Variants in PAWR observed in about 807,000 individuals in gnomAD.
PAWR encodes the protein pro-apoptotic WT1 regulator.
A neutral mutation model predicts 32.0 loss-of-function variants in PAWR; 23 were observed. The observed-to-expected ratio is 0.72, with a 90% CI of 0.52 to 1.02. The LOEUF (loss-of-function observed/expected upper bound fraction) is 1.02. Among genes scored for constraint, PAWR ranks in the 50% least tolerant of loss-of-function variants. PAWR has a pLI of 0.00. For synonymous variants in PAWR, 226 were observed against 187.1 expected (o/e 1.21, Z -1.70); for missense variants, 457 against 437.7 (o/e 1.04, Z -0.39).
rs2062663567 is a variant in PAWR, at chr12:79,613,600, T to C, written c.658A>G (p.Arg220Gly). The C allele has an allele frequency of 6.5e-7, 1 of 1,545,370 alleles. No individual in the cohort carries two copies. The highest frequency in any genetic ancestry group is 8.9e-7 in the Non-Finnish European group (1 of 1,123,462). ...CTTTTATATCTGCCTGAAACTGTTC[T>C]AGGTGGCTCCTGCAAAGTAAAAATA... The part of the protein sequence containing the change: ...GSSYLLQEPP[R>G]TVSGRYKSTT... Residue 220 changes from arginine (R) to glycine (G), a missense_variant, in exon 4 of 7, where the codon AGA becomes GGA. Physicochemically the swap from Arg to Gly is moderately radical, Grantham distance 125. Coordinates refer to ENST00000328827, the MANE Select transcript of PAWR (RefSeq NM_002583.4).
chr12:79,639,828 T>A (rs1181696777), intron 2 of PAWR, among the ~76,000 whole-genome samples: 1 of 135,090 alleles, frequency 7.4e-6, no homozygotes, highest in Non-Finnish European at 1.5e-5. Flanking sequence ...TTCCTTTTCC[T>A]TTTCCATTCC....
intron 2 of PAWR, chr12:79,667,890 C>A (rs1318491202): frequency 6.6e-6 from 1 of 151,174 alleles, no homozygotes; most frequent in Admixed American, 6.6e-5. Flanking sequence ...TCCTTTTGTT[C>A]ATTTGATTTT....
intron 2 of PAWR, among the ~76,000 whole-genome samples, chr12:79,676,427 C>A (rs867932983): frequency 6.6e-6 from 1 of 151,810 alleles, no homozygotes; most frequent in Non-Finnish European, 1.5e-5. Flanking sequence ...AAGACACTAA[C>A]AGTCAATTAA....
At chr12:79,662,184 C>T (rs1315744443) in intron 2 of PAWR, among the ~76,000 whole-genome samples, 2 of 97,408 alleles carry the variant, frequency 2.1e-5, no homozygotes, top group Non-Finnish European at 3.6e-5. Context: ...GCCTGGGCAA[C>T]ATACTGAGAC....
At chr12:79,599,362 T>C (rs1386887809) in intron 4 of PAWR, among the ~76,000 whole-genome samples, 1 of 152,212 alleles carries the variant, frequency 6.6e-6, no homozygotes, top group Non-Finnish European at 1.5e-5. Flanking sequence ...TGAATTCAGC[T>C]GATATAGCAA....
At position 79,690,143 on chromosome 12, in the gene PAWR, C is replaced by A; in HGVS notation, c.102G>T (p.Gln34His). Reference sequence around the variant, plus strand: ...CCGGGGGGGCCGGGCCCGGGGGGTTCTGCTTGGCGCGCATCTTCTCGCGTT... The same window carrying A: ...CCGGGGGGGCCGGGCCCGGGGGGTTATGCTTGGCGCGCATCTTCTCGCGTT... ...KAKREKMRAK[Q>H]NPPGPAPPGG... Residue 34 changes from glutamine to histidine, a missense_variant, in exon 2 of 7, where the codon CAG (glutamine) becomes CAT (histidine). Physicochemically the swap from Gln to His is conservative, Grantham distance 24. Coordinates refer to ENST00000328827, the MANE Select transcript of PAWR (RefSeq NM_002583.4). 2 of 1,522,574 alleles carry A rather than the reference C, an allele frequency of 1.3e-6. No individual in the cohort carries two copies. The highest frequency in any genetic ancestry group is 2.4e-5 in the South Asian group (2 of 83,570). 94.3% of individuals were successfully genotyped at this position (1,522,574 alleles called of 1,614,324 possible).
At chr12:79,689,041 C>A (rs1878829287) in intron 2 of PAWR, among the ~76,000 whole-genome samples, 1 of 152,088 alleles carries the variant, frequency 6.6e-6, no homozygotes, top group South Asian at 2.1e-4. Context: ...AAAACCCTAC[C>A]ACATGTTTTT....
intron 4 of PAWR, among the ~76,000 whole-genome samples, chr12:79,600,037 A>G (rs1294512616): frequency 6.6e-6 from 1 of 152,208 alleles, no homozygotes; most frequent in Non-Finnish European, 1.5e-5. Flanking sequence ...ATCATTTTAT[A>G]TTGTTTAAAT....
At chr12:79,656,006 A>C (rs1313320365) in intron 2 of PAWR, among the ~76,000 whole-genome samples, 1 of 152,226 alleles carries the variant, frequency 6.6e-6, no homozygotes. Context: ...CAAATGTGGG[A>C]TAGAACTCCT....
Position 79,690,231 on chromosome 12 carries a change from C to T in PAWR, c.14G>A (p.Gly5Asp). 1 of 1,515,014 alleles carries T rather than the reference C, an allele frequency of 6.6e-7. No homozygotes were observed. Among genetic ancestry groups the T allele is most frequent in the Non-Finnish European group, 8.8e-7 (1 of 1,136,294 alleles). 93.8% of individuals were successfully genotyped at this position (1,515,014 alleles called of 1,614,324 possible). MATG[G>D]YRTSSGLGGS... ...GCCGAGGCCGCTGCTGGTCCGGTAG[C>T]CACCGGTCGCCATATTCCCAAAGGG... The change falls in exon 2 of 7, where the codon GGC (glycine) becomes GAC (aspartate). Residue 5 changes from glycine (G) to aspartate (D), a missense_variant. Transcript: ENST00000328827.
intron 2 of PAWR, among the ~76,000 whole-genome samples, chr12:79,681,850 C>T (rs1565705630): frequency 6.6e-6 from 1 of 152,076 alleles, no homozygotes; most frequent in Admixed American, 6.6e-5. Context: ...CTAATACAAT[C>T]GTACTTTTTA....
intron 2 of PAWR, among the ~76,000 whole-genome samples, chr12:79,656,356 G>C (rs1282772502): frequency 6.6e-6 from 1 of 152,222 alleles, no homozygotes; most frequent in East Asian, 1.9e-4. Flanking sequence ...TAGTGTGGTA[G>C]TAATGAGAAT....
At chr12:79,686,892 T>C (rs1878706528) in intron 2 of PAWR, among the ~76,000 whole-genome samples, 1 of 152,174 alleles carries the variant, frequency 6.6e-6, no homozygotes, top group South Asian at 2.1e-4. Context: ...TTATGCCTTA[T>C]CCTTCTTCCT....
intron 3 of PAWR, among the ~76,000 whole-genome samples, chr12:79,619,182 G>A (rs546810863): frequency 3.4e-4 from 51 of 152,144 alleles, no homozygotes; most frequent in Middle Eastern, 6.8e-3. Flanking sequence ...GCTCCATCTC[G>A]CCCAGGGCCT....
chr12:79,662,598 C>T (rs1312132739), intron 2 of PAWR, among the ~76,000 whole-genome samples: 1 of 152,200 alleles, frequency 6.6e-6, no homozygotes, highest in Non-Finnish European at 1.5e-5. Context: ...TTCAGTTCAG[C>T]TCACTTCCTT....
At chr12:79,657,518 G>A (rs965263599) in intron 2 of PAWR, among the ~76,000 whole-genome samples, 6 of 152,126 alleles carry the variant, frequency 3.9e-5, no homozygotes, top group African/African-American at 1.4e-4. Flanking sequence ...GAAGGGCCGC[G>A]CGGTGGCTCA....
chr12:79,586,481 T>C lies in PAWR; in HGVS notation c.*6126A>G, dbSNP rs1592483312. On this transcript the variant is annotated 3_prime_UTR_variant, in exon 7 of 7. Transcript: ENST00000328827. ...GCAAATAGTTCACATTTTAAAGGAATGCAGATATTTGGATAGAAGCCTCTA... is the reference window on the plus strand; with the variant it reads ...GCAAATAGTTCACATTTTAAAGGAACGCAGATATTTGGATAGAAGCCTCTA... 1 of 152,296 alleles carries C rather than the reference T, an allele frequency of 6.6e-6. No homozygotes were observed. The allele number at this position is 152,296 out of a possible 1,614,324, so 9.4% of individuals were successfully genotyped here.
intron 2 of PAWR, among the ~76,000 whole-genome samples, chr12:79,626,330 G>C (rs1418718952): frequency 1.3e-5 from 2 of 148,702 alleles, no homozygotes; most frequent in African/African-American, 4.9e-5. Context: ...CGTGATCTCG[G>C]CTCACTGCAA....
rs201432791 is a variant in PAWR, at chr12:79,689,874, T to C, written c.371A>G (p.Gln124Arg). 8.2e-4 allele frequency: 1,287 copies of C among 1,561,294 alleles called. 18 individuals carry two copies. The African/African-American group carries it at 0.014, about 17-fold the overall frequency. ...GCCGTCCGGCTCCTCCTCGTCACGC[T>C]GGGGCGGCGGTGCAGCCGAGGCAGA... The part of the protein sequence containing the change: ...AASASAAPPP[Q>R]RDEEEPDGVP... The change falls in exon 2 of 7, where the codon CAG (glutamine) becomes CGG (arginine). Residue 124 changes from glutamine to arginine, a missense_variant. By Grantham distance (43) the Gln-to-Arg change is conservative. Coordinates refer to ENST00000328827, the MANE Select transcript of PAWR (RefSeq NM_002583.4).
Sources: gnomAD v4.1 joint callset for allele counts (sites outside exome capture counted in the v4.1 genomes callset) on GRCh38, gnomAD v4.1.1 for gene constraint, MANE v1.5 for transcripts, NCBI Gene and HGNC (gene_info 2026-07-23, HGNC 2026-07-21) for gene names.